Variants in AFF3 observed in about 807,000 individuals in gnomAD.
The protein encoded by AFF3 is ALF transcription elongation factor 3, also known as AF4/FMR2 family member 3.
Under a neutral mutation model 129.7 loss-of-function variants are expected in AFF3, and 32 were observed. The ratio of observed to expected loss-of-function variants is 0.25; its 90% CI spans 0.19 to 0.33. The LOEUF is 0.33. Among genes scored for constraint, AFF3 ranks in the 10% least tolerant of loss-of-function variants. AFF3 has a pLI of 1.00. For missense variants in AFF3, 1,373 were observed against 1,592.0 expected, an observed-to-expected ratio of 0.86 and a Z score of 2.34; for synonymous variants, 644 against 635.4, an observed-to-expected ratio of 1.01 and a Z score of -0.20.
intron 8 of AFF3, among the ~76,000 whole-genome samples, chr2:99,814,886 G>A (rs1687099218): frequency 6.8e-6 from 1 of 146,848 alleles, no homozygotes; most frequent in South Asian, 2.2e-4. Context: ...GTCTCACTCT[G>A]TCACCCAGGA....
rs116617107 is a variant in AFF3, at chr2:100,080,074, C to T, written c.53+24328G>A. Among the ~76,000 whole-genome samples the T allele has an allele frequency of 1.9e-3, 290 of 152,330 alleles. 1 individual carries two copies. Among genetic ancestry groups the T allele is most frequent in the African/African-American group, 6.5e-3 (270 of 41,576 alleles). On this transcript the variant is annotated intron_variant, in intron 4 of 24. Coordinates refer to ENST00000672756, the MANE Select transcript of AFF3 (RefSeq NM_001386135.1). ...AACCAAGAATAAGAACCAGAATTTA[C>T]AGTTTTTTAAGAGAACTGTACTATC... is the stretch of plus-strand genomic sequence containing the variant.
At chr2:99,954,763 T>G in intron 7 of AFF3, among the ~76,000 whole-genome samples, 1 of 84,154 alleles carries the variant, frequency 1.2e-5, no homozygotes. Context: ...TGGGGACTGT[T>G]GTGGGGTGGG....
intron 2 of AFF3, among the ~76,000 whole-genome samples, chr2:100,118,955 C>T (rs554026841): frequency 2.0e-5 from 3 of 152,278 alleles, no homozygotes; most frequent in Admixed American, 6.5e-5. Context: ...CGTGCGCCAC[C>T]ACACCCAGCT....
At chr2:99,647,005 T>C (rs925461138) in intron 13 of AFF3, among the ~76,000 whole-genome samples, 1 of 152,184 alleles carries the variant, frequency 6.6e-6, no homozygotes, top group African/African-American at 2.4e-5. Context: ...AAACAACAGA[T>C]GCTGGAGAGC....
At chr2:99,909,641 C>G (rs921216409) in intron 7 of AFF3, among the ~76,000 whole-genome samples, 2 of 151,500 alleles carry the variant, frequency 1.3e-5, no homozygotes, top group Non-Finnish European at 1.5e-5. Context: ...AAAGAAAAAG[C>G]GTTTCTCCAC....
intron 1 of AFF3, among the ~76,000 whole-genome samples, chr2:100,133,229 A>G (rs867297798): frequency 3.3e-5 from 5 of 151,906 alleles, no homozygotes; most frequent in African/African-American, 7.2e-5. Flanking sequence ...TCACCACTGC[A>G]CTCCAGCCTG....
At chr2:99,595,284 G>A (rs1350511942) in intron 14 of AFF3, among the ~76,000 whole-genome samples, 2 of 152,240 alleles carry the variant, frequency 1.3e-5, no homozygotes, top group Non-Finnish European at 2.9e-5. Context: ...GGTGTATTGA[G>A]AAGAATAGAA....
At chr2:99,568,977 T>C (rs1409309559) in intron 18 of AFF3, 62 bp from the exon 19 acceptor site, 1 of 1,457,928 alleles carries the variant, frequency 6.9e-7, no homozygotes, top group Non-Finnish European at 9.6e-7. Context: ...TTTTAAAATA[T>C]TCCTTCCTTT....
intron 4 of AFF3, among the ~76,000 whole-genome samples, chr2:100,023,258 G>A (rs982916900): frequency 5.3e-5 from 8 of 152,204 alleles, no homozygotes; most frequent in African/African-American, 9.6e-5. Flanking sequence ...TTCCAGGACA[G>A]TTAAGCGCAT....
intron 7 of AFF3, among the ~76,000 whole-genome samples, chr2:99,847,482 T>C (rs1039550741): frequency 1.3e-5 from 2 of 152,036 alleles, no homozygotes; most frequent in Non-Finnish European, 2.9e-5. Flanking sequence ...TCTACTGGTG[T>C]TGCTTTACTG....
intron 8 of AFF3, among the ~76,000 whole-genome samples, chr2:99,800,797 T>C (rs1685879863): frequency 6.6e-6 from 1 of 152,120 alleles, no homozygotes; most frequent in Non-Finnish European, 1.5e-5. Context: ...TTCAGAATAA[T>C]TACACAGAGT....
chr2:99,581,788 C>G (rs1228955512), intron 17 of AFF3, among the ~76,000 whole-genome samples: 1 of 151,106 alleles, frequency 6.6e-6, no homozygotes, highest in Non-Finnish European at 1.5e-5. Flanking sequence ...CTGTTAGAGG[C>G]TGGCATGGCA....
At chr2:100,013,360 C>T (rs1255816169) in intron 4 of AFF3, among the ~76,000 whole-genome samples, 1 of 152,198 alleles carries the variant, frequency 6.6e-6, no homozygotes, top group East Asian at 1.9e-4. Context: ...AACATTTCAC[C>T]TATATGTCCC....
intron 13 of AFF3, among the ~76,000 whole-genome samples, chr2:99,606,044 C>T (rs1474371750): frequency 6.6e-5 from 10 of 152,098 alleles, no homozygotes; most frequent in Admixed American, 6.5e-4. Flanking sequence ...AATTGGTTGT[C>T]ATGTTTACAT....
chr2:99,810,507 C>A (rs1406473609), intron 8 of AFF3, among the ~76,000 whole-genome samples: 1 of 152,256 alleles, frequency 6.6e-6, no homozygotes, highest in Admixed American at 6.5e-5. Context: ...AATACCTGGG[C>A]AAACGTGCCA....
intron 8 of AFF3, among the ~76,000 whole-genome samples, chr2:99,830,535 T>C (rs941628811): frequency 6.6e-6 from 1 of 152,138 alleles, no homozygotes; most frequent in Admixed American, 6.5e-5. Flanking sequence ...GTGGATCATG[T>C]GAGGTCAGGA....
At chr2:99,692,765 G>A (rs951695203) in intron 11 of AFF3, among the ~76,000 whole-genome samples, 4 of 152,160 alleles carry the variant, frequency 2.6e-5, no homozygotes, top group African/African-American at 9.7e-5. Context: ...CAGACTTCTG[G>A]ACTGAGATGA....
chr2:99,809,512 G>A (rs1686625093), intron 8 of AFF3, among the ~76,000 whole-genome samples: 1 of 152,232 alleles, frequency 6.6e-6, no homozygotes, highest in African/African-American at 2.4e-5. Context: ...ATTACCCAGT[G>A]TCTGTCGGCT....
At chr2:99,715,533 G>A (rs759469526) in intron 11 of AFF3, among the ~76,000 whole-genome samples, 3 of 152,036 alleles carry the variant, frequency 2.0e-5, no homozygotes, top group Admixed American at 6.6e-5. Context: ...CTTATAATGC[G>A]GTCTGAGCTT....
Sources: gnomAD v4.1 joint callset for allele counts (sites outside exome capture counted in the v4.1 genomes callset) on GRCh38, gnomAD v4.1.1 for gene constraint, MANE v1.5 for transcripts, NCBI Gene and HGNC (gene_info 2026-07-23, HGNC 2026-07-21) for gene names.